The following PHACTR1 variants were observed in gnomAD, a reference collection of about 807,000 sequenced individuals.
PHACTR1 encodes the protein RPEL repeat containing 1.
PHACTR1 carries 16 observed loss-of-function variants against 69.2 expected under a neutral mutation model. That is an observed-to-expected ratio of 0.23 (90% CI 0.16 to 0.35). The LOEUF (loss-of-function observed/expected upper bound fraction) is 0.35, where lower values mean the gene tolerates loss of function less well. Ranked by LOEUF, PHACTR1 falls within the 10% of genes least tolerant of loss-of-function variation. The probability of loss-of-function intolerance (pLI) is 1.00; values close to 1 mark genes in which losing one functional copy is unlikely to be tolerated. For synonymous variants in PHACTR1, 312 were observed against 284.5 expected (o/e 1.10, Z -0.97); for missense variants, 510 against 734.7 (o/e 0.69, Z 3.54).
At position 13,282,440 on chromosome 6, in the gene PHACTR1, T is replaced by G. The variant is rs978192469; in HGVS notation, c.1510-982T>G. Among the ~76,000 whole-genome samples the G allele has an allele frequency of 8.5e-5, 13 of 152,194 alleles. 1 individual carries two copies. Among genetic ancestry groups the G allele is most frequent in the African/African-American group, 3.1e-4 (13 of 41,458 alleles). The stretch of plus-strand genomic sequence containing the variant: ...ACGAATCTTCCTTTTACTTGCTTCA[T>G]CCCTCATTCCTGCAGTCCTTCATCA... On this transcript the variant is annotated intron_variant, in intron 12 of 14. Transcript: ENST00000332995.
chr6:12,764,527 A>G (rs1301727848), intron 4 of PHACTR1, among the ~76,000 whole-genome samples: 1 of 152,098 alleles, frequency 6.6e-6, no homozygotes, highest in East Asian at 1.9e-4. Flanking sequence ...TTTTTCCCTG[A>G]AGTCCTTCAT....
At chr6:13,147,467 A>C (rs570908382) in intron 5 of PHACTR1, among the ~76,000 whole-genome samples, 22 of 152,302 alleles carry the variant, frequency 1.4e-4, no homozygotes, top group African/African-American at 5.1e-4. Context: ...ACTTCTGTAA[A>C]ATTACTCACC....
intron 4 of PHACTR1, among the ~76,000 whole-genome samples, chr6:12,853,346 C>T (rs978712307): frequency 3.3e-5 from 5 of 152,052 alleles, no homozygotes; most frequent in Non-Finnish European, 7.4e-5. Flanking sequence ...CCTAGACAGG[C>T]AAAAGAAGCT....
intron 4 of PHACTR1, among the ~76,000 whole-genome samples, chr6:12,903,399 G>A (rs1785401851): frequency 6.6e-6 from 1 of 152,184 alleles, no homozygotes; most frequent in African/African-American, 2.4e-5. Context: ...TCATGCACGT[G>A]GTCAGCATAG....
intron 5 of PHACTR1, among the ~76,000 whole-genome samples, chr6:13,072,836 C>T (rs1353433172): frequency 6.6e-6 from 1 of 151,950 alleles, no homozygotes; most frequent in African/African-American, 2.4e-5. Flanking sequence ...ATTTACACCT[C>T]CTGTGATATG....
intron 4 of PHACTR1, among the ~76,000 whole-genome samples, chr6:12,770,356 A>T (rs1581672768): frequency 6.6e-6 from 1 of 152,168 alleles, no homozygotes; most frequent in East Asian, 1.9e-4. Flanking sequence ...GGGATTGTAA[A>T]CAGATGGTGA....
chr6:12,764,370 A>G (rs1047031191), intron 4 of PHACTR1, among the ~76,000 whole-genome samples: 6 of 152,206 alleles, frequency 3.9e-5, no homozygotes, highest in African/African-American at 9.6e-5. Context: ...GAAAAGCTCA[A>G]ATAGAACCCA....
chr6:12,787,973 A>G (rs1771747641), intron 4 of PHACTR1, among the ~76,000 whole-genome samples: 1 of 152,162 alleles, frequency 6.6e-6, no homozygotes, highest in Non-Finnish European at 1.5e-5. Flanking sequence ...CCTGGCCAAC[A>G]TGGCGAAACC....
chr6:13,125,271 G>A (rs912746715), intron 5 of PHACTR1, among the ~76,000 whole-genome samples: 1 of 152,062 alleles, frequency 6.6e-6, no homozygotes, highest in Non-Finnish European at 1.5e-5. Flanking sequence ...GTTTTAGAAG[G>A]GATTTTTCCT....
intron 4 of PHACTR1, among the ~76,000 whole-genome samples, chr6:12,978,179 C>T (rs1198489894): frequency 6.6e-6 from 1 of 152,160 alleles, no homozygotes; most frequent in Non-Finnish European, 1.5e-5. Flanking sequence ...GAGTACCATC[C>T]ACTCTACTCC....
At chr6:12,799,444 T>C (rs1471709213) in intron 4 of PHACTR1, among the ~76,000 whole-genome samples, 1 of 152,042 alleles carries the variant, frequency 6.6e-6, no homozygotes, top group Non-Finnish European at 1.5e-5. Flanking sequence ...CTTTTCTTCA[T>C]GAAAAAGAAC....
intron 4 of PHACTR1, among the ~76,000 whole-genome samples, chr6:12,923,340 G>A (rs1400350424): frequency 6.6e-6 from 1 of 152,158 alleles, no homozygotes; most frequent in Non-Finnish European, 1.5e-5. Context: ...ATGAATCTAT[G>A]TAAGTTAATG....
At chr6:12,869,275 C>G (rs1387626273) in intron 4 of PHACTR1, among the ~76,000 whole-genome samples, 1 of 152,150 alleles carries the variant, frequency 6.6e-6, no homozygotes, top group Admixed American at 6.5e-5. Flanking sequence ...ACTTCATAGT[C>G]CAACCCTATT....
rs368127776 is a variant in PHACTR1 at position 13,129,791 on chromosome 6, C to A, written c.416-30413C>A. Among the ~76,000 whole-genome samples the A allele has an allele frequency of 2.6e-5, 4 of 152,048 alleles. No homozygotes were observed. In the East Asian group the frequency reaches 7.7e-4, roughly 29 times the overall value. ...AAAGAAACAATGGACTTAAATTATA[C>A]ACTAAAATAAGTGGACTTAACAGAT... is the stretch of plus-strand genomic sequence containing the variant. On this transcript the variant is annotated intron_variant, in intron 5 of 14. Coordinates refer to ENST00000332995, the MANE Select transcript of PHACTR1 (RefSeq NM_030948.6).
chr6:12,717,067 G>C (rs1166283994), intron 1 of PHACTR1, among the ~76,000 whole-genome samples, 171 bp downstream of exon 1: 1 of 152,172 alleles, frequency 6.6e-6, no homozygotes, highest in Non-Finnish European at 1.5e-5. Context: ...TTCTTCCAGT[G>C]ACTGATTTGC....
At chr6:12,896,425 A>C (rs184302123) in intron 4 of PHACTR1, among the ~76,000 whole-genome samples, 2 of 152,308 alleles carry the variant, frequency 1.3e-5, no homozygotes, top group East Asian at 3.9e-4. Flanking sequence ...AATTCCCGTC[A>C]CCTGCTTACT....
At chr6:13,035,400 A>G (rs1240403242) in intron 4 of PHACTR1, among the ~76,000 whole-genome samples, 1 of 149,376 alleles carries the variant, frequency 6.7e-6, no homozygotes, top group Non-Finnish European at 1.5e-5. Context: ...TTTTCAAAAT[A>G]TAAATATTCC....
At chr6:13,017,335 G>A (rs1179519673) in intron 4 of PHACTR1, among the ~76,000 whole-genome samples, 1 of 150,696 alleles carries the variant, frequency 6.6e-6, no homozygotes. Context: ...GTTTATATCT[G>A]TGTGTGTGTG....
At chr6:13,191,256 T>A (rs922297918) in intron 7 of PHACTR1, among the ~76,000 whole-genome samples, 4 of 152,106 alleles carry the variant, frequency 2.6e-5, no homozygotes, top group African/African-American at 9.7e-5. Flanking sequence ...AAAAAATGAA[T>A]GTTTGCATAG....
Sources: gnomAD v4.1 joint callset for allele counts (sites outside exome capture counted in the v4.1 genomes callset) on GRCh38, gnomAD v4.1.1 for gene constraint, MANE v1.5 for transcripts, NCBI Gene and HGNC (gene_info 2026-07-23, HGNC 2026-07-21) for gene names.